Variants in WDR12 observed in about 807,000 individuals in gnomAD.
WDR12 encodes ribosome biogenesis protein WDR12.
WDR12 carries 42 observed loss-of-function variants against 64.3 expected under a neutral mutation model. That is an observed-to-expected ratio of 0.65 (90% confidence interval 0.51 to 0.84). The LOEUF (loss-of-function observed/expected upper bound fraction) is 0.84. Ranked by LOEUF, WDR12 falls within the 40% of genes least tolerant of loss-of-function variation. The pLI, the probability that WDR12 is intolerant of heterozygous loss-of-function variation, is 0.00. For missense variants in WDR12, 469 were observed against 494.6 expected (o/e 0.95, Z 0.49); for synonymous variants, 158 against 173.3 (o/e 0.91, Z 0.70).
intron 5 of WDR12, among the ~76,000 whole-genome samples, chr2:202,896,427 C>T (rs951258903): frequency 1.0e-4 from 15 of 150,462 alleles, no homozygotes; most frequent in Non-Finnish European, 1.9e-4. Flanking sequence ...TGGTGGCTCA[C>T]GCCTGTAAAT....
chr2:202,895,958 A>G, intron 6 of WDR12, 107 bp downstream of exon 6: 2 of 1,311,726 alleles, frequency 1.5e-6, no homozygotes, highest in Non-Finnish European at 2.1e-6. Context: ...TTTGTCACCG[A>G]TTGTTAGGAA....
Position 202,901,091 on chromosome 2 carries a change from G to T in WDR12, c.165C>A (p.Phe55Leu). The T allele has an allele frequency of 6.3e-7, 1 of 1,599,304 alleles. No homozygotes were observed. Among genetic ancestry groups the T allele is most frequent in the Non-Finnish European group, 8.5e-7 (1 of 1,169,906 alleles). Residue 55 changes from phenylalanine to leucine, a missense_variant, in exon 3 of 13, where the codon TTC (phenylalanine) becomes TTA (leucine). Transcript: ENST00000261015. The part of the protein sequence containing the change: ...NEFHKHVEFD[F>L]LIKGQFLRMP... The stretch of plus-strand genomic sequence containing the variant: ...TTCGCAGAAACTGGCCCTTAATAAG[G>T]AAATCAAACTCCACATGTTTGTGGA...
chr2:202,905,534 A>G (rs1244961446), intron 2 of WDR12, among the ~76,000 whole-genome samples: 1 of 152,250 alleles, frequency 6.6e-6, no homozygotes, highest in Non-Finnish European at 1.5e-5. Flanking sequence ...GGGGATGTCA[A>G]TTAGTACAAC....
At position 202,901,062 on chromosome 2, in the gene WDR12, G is replaced by A; in HGVS notation, c.194C>T (p.Pro65Leu). ...FLIKGQFLRM[P>L]LDKHMEMENI... The stretch of plus-strand genomic sequence containing the variant: ...CTCCATTTCCATGTGTTTGTCCAAG[G>A]GCATTCGCAGAAACTGGCCCTTAAT... Residue 65 changes from proline to leucine, a missense_variant, in exon 3 of 13, where the codon CCC becomes CTC. Physicochemically the swap from Pro to Leu is moderately conservative, Grantham distance 98 (BLOSUM62 -3). Coordinates refer to ENST00000261015, the MANE Select transcript of WDR12 (RefSeq NM_018256.4). 1 of 1,598,420 alleles carries A rather than the reference G, an allele frequency of 6.3e-7. No individual in the cohort carries two copies. Among genetic ancestry groups the A allele is most frequent in the Non-Finnish European group, 8.6e-7 (1 of 1,169,406 alleles).
At chr2:202,899,825 A>G (rs1319686039) in intron 3 of WDR12, among the ~76,000 whole-genome samples, 188 bp from the exon 4 acceptor site, 1 of 152,194 alleles carries the variant, frequency 6.6e-6, no homozygotes, top group Non-Finnish European at 1.5e-5. Flanking sequence ...TAAGAGTGAT[A>G]TTAGGAAATA....
intron 1 of WDR12, among the ~76,000 whole-genome samples, chr2:202,910,546 A>G (rs527473700): frequency 6.6e-6 from 1 of 151,950 alleles, no homozygotes; most frequent in South Asian, 2.1e-4. Flanking sequence ...CCAAACAAAC[A>G]AAAAAAAGCC....
chr2:202,907,932 T>C lies in WDR12; in HGVS notation c.69A>G (p.Ser23=), dbSNP rs1192784758. 10 of 1,614,034 alleles carry C rather than the reference T, an allele frequency of 6.2e-6. No individual in the cohort carries two copies. The highest frequency in any genetic ancestry group is 8.5e-6 in the Non-Finnish European group (10 of 1,179,968). Residue 23 remains serine, a synonymous_variant, in exon 2 of 13, where the codon TCA becomes TCG. Transcript: ENST00000261015. ...CGGCAATTTCAGAGGCAGCAGGGAT[T>C]GAGAAGGGAACATCATCTACGGCAT... ...KKYAVDDVPF[S]IPAASEIADL...
chr2:202,890,523 A>G (rs1321028500), intron 8 of WDR12, among the ~76,000 whole-genome samples: 1 of 152,136 alleles, frequency 6.6e-6, no homozygotes, highest in Non-Finnish European at 1.5e-5. Context: ...TAATCCCAGC[A>G]CTTTGGGAGG....
At chr2:202,886,455 C>G (rs1272683651) in intron 8 of WDR12, among the ~76,000 whole-genome samples, 1 of 149,714 alleles carries the variant, frequency 6.7e-6, no homozygotes, top group Non-Finnish European at 1.5e-5. Flanking sequence ...GAGAGTCTGT[C>G]TCTTAAAAAC....
intron 11 of WDR12, 157 bp from the exon 12 acceptor site, chr2:202,882,940 T>A: frequency 1.8e-6 from 1 of 563,420 alleles, no homozygotes; most frequent in South Asian, 2.5e-5. Context: ...TCATCTCTCC[T>A]CTTTTTCCTG....
intron 8 of WDR12, among the ~76,000 whole-genome samples, chr2:202,886,567 A>G (rs984869516): frequency 2.6e-5 from 4 of 152,136 alleles, no homozygotes; most frequent in Non-Finnish European, 5.9e-5. Flanking sequence ...CAGGAGTTCA[A>G]GACCAGCCTG....
In WDR12 at chr2:202,897,397, A is replaced by G. The variant is rs1304158431; in HGVS notation, c.357T>C (p.Tyr119=). 3 of 1,581,326 alleles carry G rather than the reference A, an allele frequency of 1.9e-6. No homozygotes were observed. Among genetic ancestry groups the G allele is most frequent in the Non-Finnish European group, 2.6e-6 (3 of 1,167,072 alleles). Residue 119 remains tyrosine, a synonymous_variant, in exon 5 of 13, where the codon TAT becomes TAC. Coordinates refer to ENST00000261015, the MANE Select transcript of WDR12 (RefSeq NM_018256.4). ...AGGACCAGATCCGAGAAGTCTTATC[A>G]TAAGAACCAGTCAAGATCCTATGAG... ...GAEEWILTGS[Y]DKTSRIWSLE... is the part of the protein sequence containing the mutation.
intron 8 of WDR12, among the ~76,000 whole-genome samples, chr2:202,884,896 A>G (rs1688020425): frequency 6.6e-6 from 1 of 152,246 alleles, no homozygotes; most frequent in African/African-American, 2.4e-5. Flanking sequence ...CAAATGTTAT[A>G]TTAAAGATTA....
At position 202,877,211 on chromosome 2, in the gene WDR12, CTGATA is replaced by C. The variant is rs1189839010; in HGVS notation, c.*3644_*3648del. 1.3e-5 allele frequency: 2 copies of C among 151,246 alleles called. No individual in the cohort carries two copies. Among genetic ancestry groups the C allele is most frequent in the Non-Finnish European group, 2.9e-5 (2 of 67,902 alleles). 9.4% of individuals were successfully genotyped at this position (151,246 alleles called of 1,614,324 possible). A position where few individuals can be genotyped will look rare whatever the true frequency, so the allele number is the denominator to read the frequency against. ...CTCCAATAATATACTAGGAAGCATT[CTGATA>C]TATTATTATGCATTGTTGACAACAG... On this transcript the variant is annotated 3_prime_UTR_variant, in exon 13 of 13. Coordinates refer to ENST00000261015, the MANE Select transcript of WDR12 (RefSeq NM_018256.4).
At chr2:202,907,279 C>T (rs1477533796) in intron 2 of WDR12, among the ~76,000 whole-genome samples, 2 of 152,100 alleles carry the variant, frequency 1.3e-5, no homozygotes, top group African/African-American at 4.8e-5. Context: ...TTTTTACATA[C>T]ATTGTTCATA....
In WDR12 at chr2:202,876,832, G is replaced by A. The variant is rs565640235; in HGVS notation, c.*4028C>T. ...CGCCTGTGGTCCTAGTTAGGAGGAT[G>A]AGGTGGGAGGATCCCTTGAGTCCGG... On this transcript the variant is annotated 3_prime_UTR_variant, in exon 13 of 13. Transcript: ENST00000261015. 3 of 152,528 alleles carry A rather than the reference G, an allele frequency of 2.0e-5. No individual in the cohort carries two copies. The highest frequency in any genetic ancestry group is 6.5e-5 in the Admixed American group (1 of 15,296). The allele number at this position is 152,528 out of a possible 1,614,324, so 9.4% of individuals were successfully genotyped here. A position where few individuals can be genotyped will look rare whatever the true frequency, so the allele number is the denominator to read the frequency against.
Position 202,880,631 on chromosome 2 carries a change from A to C in WDR12, c.*229T>G. The C allele has an allele frequency of 3.7e-6, 1 of 269,406 alleles. No homozygotes were observed. The highest frequency in any genetic ancestry group is 7.0e-6 in the Non-Finnish European group (1 of 142,948). The allele number at this position is 269,406 out of a possible 1,614,324, so 16.7% of individuals were successfully genotyped here. A position where few individuals can be genotyped will look rare whatever the true frequency, so the allele number is the denominator to read the frequency against. On this transcript the variant is annotated 3_prime_UTR_variant, in exon 13 of 13. Transcript: ENST00000261015. The stretch of plus-strand genomic sequence containing the variant: ...TAAAGAGAAATGTAAAACTCAGTTT[A>C]ATTTCAAGTTTGTATAGAGAATGTA...
At chr2:202,897,034 GAAAAT>G (rs1182563327) in intron 5 of WDR12, among the ~76,000 whole-genome samples, 2 of 151,608 alleles carry the variant, frequency 1.3e-5, no homozygotes, top group South Asian at 2.1e-4. Context: ...AAAAACAGAA[GAAAAT>G]AAAAGATGAA....
Position 202,880,824 on chromosome 2 carries a change from C to T in WDR12, c.*36G>A, listed in dbSNP as rs767744610. On this transcript the variant is annotated 3_prime_UTR_variant, in exon 13 of 13. Coordinates refer to ENST00000261015, the MANE Select transcript of WDR12 (RefSeq NM_018256.4). ...CATGGTTCTCTACCAATTTCATTTA[C>T]AGAAATAATCTCTATAGTCAAATTA... is the stretch of plus-strand genomic sequence containing the variant. 30 of 1,570,188 alleles carry T rather than the reference C, an allele frequency of 1.9e-5. No homozygotes were observed. The highest frequency in any genetic ancestry group is 2.1e-4 in the Middle Eastern group (1 of 4,772).
Sources: allele counts gnomAD v4.1 joint callset (sites outside exome capture counted in the v4.1 genomes callset), GRCh38; gene constraint gnomAD v4.1.1; transcripts MANE v1.5; gene names NCBI Gene and HGNC (gene_info 2026-07-23, HGNC 2026-07-21).